CHD9NB: variants seen among roughly 807,000 people sequenced by gnomAD.
CHD9NB encodes the protein CHD9 neighbor.
the CHD9NB span, chr16:53,035,937 C>T: frequency 1.3e-5 from 2 of 151,670 alleles, no homozygotes; most frequent in South Asian, 2.1e-4. Flanking sequence ...TGCACTCCAG[C>T]CTGTGTGACA....
chr16:53,051,793 ATATATATATATATATAT>A, the CHD9NB span, among the ~76,000 whole-genome samples: 2 of 139,226 alleles, frequency 1.4e-5, no homozygotes, highest in African/African-American at 2.8e-5. Flanking sequence ...ATATATATAT[ATATATATATATATATAT>A]AATGAGTACC....
the CHD9NB span, among the ~76,000 whole-genome samples, chr16:53,041,789 A>G: frequency 6.6e-6 from 1 of 152,030 alleles, no homozygotes; most frequent in Admixed American, 6.5e-5. Context: ...TTAAAAAAAA[A>G]AAAAATTGAA....
At chr16:53,036,394 G>A in the CHD9NB span, among the ~76,000 whole-genome samples, 1 of 152,160 alleles carries the variant, frequency 6.6e-6, no homozygotes, top group Non-Finnish European at 1.5e-5. Context: ...CCAGTCCATC[G>A]CTGGCTCCTT....
the CHD9NB span, chr16:53,042,990 C>T: frequency 6.6e-6 from 1 of 152,206 alleles, no homozygotes; most frequent in East Asian, 1.9e-4. Context: ...ACGGCTCCCT[C>T]GCCTCTGTTC....
At chr16:53,048,815 C>T in the CHD9NB span, among the ~76,000 whole-genome samples, 1 of 152,198 alleles carries the variant, frequency 6.6e-6, no homozygotes, top group South Asian at 2.1e-4. Context: ...AAGCTGGGGA[C>T]ATAAGCACCC....
the CHD9NB span, among the ~76,000 whole-genome samples, chr16:53,049,645 G>T: frequency 1.3e-5 from 2 of 152,166 alleles, no homozygotes; most frequent in African/African-American, 4.8e-5. Flanking sequence ...GCTGGACCTA[G>T]AAGGATGCGC....
the CHD9NB span, chr16:53,043,754 G>T: frequency 6.0e-6 from 2 of 333,024 alleles, no homozygotes; most frequent in African/African-American, 2.1e-5. Context: ...GTTCCACAAC[G>T]TGTGAAGACT....
the CHD9NB span, among the ~76,000 whole-genome samples, chr16:53,045,814 G>A: frequency 4.6e-5 from 7 of 152,084 alleles, no homozygotes; most frequent in Non-Finnish European, 7.4e-5. Context: ...TGGTTAGGTC[G>A]GTTACCTGGG....
At chr16:53,045,782 G>A in the CHD9NB span, among the ~76,000 whole-genome samples, 2 of 152,126 alleles carry the variant, frequency 1.3e-5, no homozygotes, top group Non-Finnish European at 2.9e-5. Context: ...CCACTTTAGA[G>A]TTCAAATCAC....
the CHD9NB span, among the ~76,000 whole-genome samples, chr16:53,040,483 C>A: frequency 7.9e-5 from 12 of 152,194 alleles, no homozygotes; most frequent in Non-Finnish European, 1.3e-4. Context: ...TTGTATCCAA[C>A]TCCAGGTCAT....
the CHD9NB span, among the ~76,000 whole-genome samples, chr16:53,037,029 G>A: frequency 6.6e-6 from 1 of 152,038 alleles, no homozygotes; most frequent in East Asian, 1.9e-4. Context: ...TCTGCCTCCT[G>A]TGTTCAAGGG....
the CHD9NB span, chr16:53,044,284 C>T: frequency 7.6e-6 from 3 of 396,994 alleles, no homozygotes; most frequent in East Asian, 7.1e-5. Flanking sequence ...GAGCCAGTTC[C>T]GTTTCTATGG....
At chr16:53,047,349 A>G in the CHD9NB span, 1 of 152,176 alleles carries the variant, frequency 6.6e-6, no homozygotes, top group African/African-American at 2.4e-5. Context: ...TACCTGTATT[A>G]GTGAGCCCTG....
the CHD9NB span, among the ~76,000 whole-genome samples, chr16:53,045,254 G>C: frequency 2.0e-5 from 3 of 152,174 alleles, no homozygotes; most frequent in Non-Finnish European, 4.4e-5. Flanking sequence ...AAGCCATCCT[G>C]TCTCTTTATC....
At chr16:53,049,363 CAG>C in the CHD9NB span, among the ~76,000 whole-genome samples, 1 of 137,826 alleles carries the variant, frequency 7.3e-6, no homozygotes, top group Non-Finnish European at 1.5e-5. Flanking sequence ...TGTGTGTAAA[CAG>C]GGGTCTCACT....
chr16:53,038,060 C>T, the CHD9NB span, among the ~76,000 whole-genome samples: 1 of 152,158 alleles, frequency 6.6e-6, no homozygotes, highest in Admixed American at 6.6e-5. Flanking sequence ...ACCAGAGAGG[C>T]CACTGGTCTA....
the CHD9NB span, among the ~76,000 whole-genome samples, chr16:53,037,282 C>T: frequency 6.6e-6 from 1 of 152,186 alleles, no homozygotes; most frequent in East Asian, 1.9e-4. Flanking sequence ...TCCCTTACAA[C>T]AAGGGCTTTA....
the CHD9NB span, among the ~76,000 whole-genome samples, chr16:53,037,397 A>G: frequency 6.6e-6 from 1 of 152,258 alleles, no homozygotes; most frequent in South Asian, 2.1e-4. Flanking sequence ...AGGACCAGTT[A>G]ACAAGGATTT....
At chr16:53,051,899 G>A in the CHD9NB span, among the ~76,000 whole-genome samples, 1 of 149,566 alleles carries the variant, frequency 6.7e-6, no homozygotes, top group African/African-American at 2.5e-5. Flanking sequence ...AGGTGTTCAG[G>A]GCATGTGCCT....
Sources: allele counts gnomAD v4.1 joint callset (sites outside exome capture counted in the v4.1 genomes callset), GRCh38; gene constraint gnomAD v4.1.1; transcripts MANE v1.5; gene names NCBI Gene and HGNC (gene_info 2026-07-23, HGNC 2026-07-21).